PER2: variants seen among roughly 807,000 people sequenced by gnomAD.
PER2 encodes period circadian regulator 2.
In PER2, 66 loss-of-function variants were observed where a neutral mutation model predicts 121.0. That is an observed-to-expected ratio of 0.55 (90% CI 0.45 to 0.67). The LOEUF (loss-of-function observed/expected upper bound fraction) is 0.67, where lower values mean the gene tolerates loss of function less well. Among genes scored for constraint, PER2 ranks in the 30% least tolerant of loss-of-function variants. The probability of loss-of-function intolerance (pLI) is 0.00; values close to 1 mark genes in which losing one functional copy is unlikely to be tolerated. For missense variants in PER2, 1,521 were observed against 1,635.0 expected, an observed-to-expected ratio of 0.93 and a Z score of 1.20; for synonymous variants, 684 against 659.9, an observed-to-expected ratio of 1.04 and a Z score of -0.56.
chr2:238,282,032 C>G (rs1276423095), intron 1 of PER2, among the ~76,000 whole-genome samples: 1 of 152,234 alleles, frequency 6.6e-6, no homozygotes, highest in Non-Finnish European at 1.5e-5. Flanking sequence ...ATGGTTAACA[C>G]AGCATCTAGA....
In PER2 at chr2:238,251,610, G is replaced by T. The variant is rs1200611530; in HGVS notation, c.3263C>A (p.Pro1088Gln). 6.2e-7 allele frequency: 1 copy of T among 1,613,988 alleles called. No individual in the cohort carries two copies. The highest frequency in any genetic ancestry group is 1.3e-5 in the African/African-American group (1 of 74,914). Residue 1088 changes from proline (P) to glutamine (Q), a missense_variant, in exon 20 of 23, where the codon CCG (proline) becomes CAG (glutamine). Transcript: ENST00000254657. ...GSGSLGCDAS[P>Q]SGAGSSDTSH... Reference sequence around the variant, plus strand: ...CAGGGCCAACATACCTGCCCCACTCGGGGAGGCGTCGCAGCCCAGTGAGCC... The same window carrying T: ...CAGGGCCAACATACCTGCCCCACTCTGGGAGGCGTCGCAGCCCAGTGAGCC...
chr2:238,297,493 T>C, the PER2 span, among the ~76,000 whole-genome samples: 1 of 152,174 alleles, frequency 6.6e-6, no homozygotes, highest in South Asian at 2.1e-4. Context: ...AAGAGCACTC[T>C]TGTAACGCTA....
intron 17 of PER2, 134 bp from the exon 18 acceptor site, chr2:238,256,045 C>T (rs1695751083): frequency 3.5e-6 from 4 of 1,142,426 alleles, no homozygotes; most frequent in Non-Finnish European, 5.1e-6. Flanking sequence ...GAGGATGAGA[C>T]TCACAGCGTT....
chr2:238,286,026 G>T (rs1696772262), intron 1 of PER2, among the ~76,000 whole-genome samples: 1 of 152,174 alleles, frequency 6.6e-6, no homozygotes, highest in African/African-American at 2.4e-5. Flanking sequence ...CAAATATGGA[G>T]GGAAGGAGGT....
At chr2:238,283,785 G>T (rs1426601358) in intron 1 of PER2, among the ~76,000 whole-genome samples, 1 of 152,178 alleles carries the variant, frequency 6.6e-6, no homozygotes, top group African/African-American at 2.4e-5. Context: ...GCCGCCCAGG[G>T]TACCAAGGGC....
rs767660110 is a variant in PER2 at position 238,249,184 on chromosome 2, T to C, written c.3496A>G (p.Arg1166Gly). 2 of 1,614,144 alleles carry C rather than the reference T, an allele frequency of 1.2e-6. No individual in the cohort carries two copies. Among genetic ancestry groups the C allele is most frequent in the Non-Finnish European group, 1.7e-6 (2 of 1,179,948 alleles). ...TTCTGTAGGAGCTTCAGCTTCTCTCTGTCCTCCTTCAAAACCGCTTCTAAA... is the reference window on the plus strand; with the variant it reads ...TTCTGTAGGAGCTTCAGCTTCTCTCCGTCCTCCTTCAAAACCGCTTCTAAA... Reference protein sequence around the residue: ...RNLEAVLKEDREKLKLLQKLQ... With the variant: ...RNLEAVLKEDGEKLKLLQKLQ... Residue 1166 changes from arginine (R) to glycine (G), a missense_variant, in exon 22 of 23, where the codon AGA becomes GGA. Coordinates refer to ENST00000254657, the MANE Select transcript of PER2 (RefSeq NM_022817.3).
At chr2:238,262,429 G>T in intron 10 of PER2, 85 bp from the exon 11 acceptor site, 1 of 1,374,768 alleles carries the variant, frequency 7.3e-7, no homozygotes, top group South Asian at 1.2e-5. Flanking sequence ...AGTCACTCAG[G>T]CCCAGGATCA....
In PER2 at chr2:238,280,504, A is replaced by C. The variant is rs142029648; in HGVS notation, c.-19-2549T>G. Among the ~76,000 whole-genome samples, 458 of 152,352 alleles carry C rather than the reference A, an allele frequency of 3.0e-3. 3 individuals are homozygous for C. Among genetic ancestry groups the C allele is most frequent in the African/African-American group, 0.01 (436 of 41,576 alleles). On this transcript the variant is annotated intron_variant, in intron 1 of 22. Coordinates refer to ENST00000254657, the MANE Select transcript of PER2 (RefSeq NM_022817.3). ...TACTTTTCATCCTAAGAATTCAAGA[A>C]ATGATGGATTCAATGAAACAAGTAA...
At chr2:238,290,369 C>G (rs1696929079), upstream of PER2, among the ~76,000 whole-genome samples, 1 of 152,062 alleles carries the variant, frequency 6.6e-6, no homozygotes, top group South Asian at 2.1e-4. Flanking sequence ...CCCAAAGGCT[C>G]TTTTGTTTCT....
intron 1 of PER2, among the ~76,000 whole-genome samples, chr2:238,287,839 G>A (rs1029821836): frequency 2.0e-5 from 3 of 152,166 alleles, no homozygotes; most frequent in Non-Finnish European, 2.9e-5. Context: ...GGGGAAGCAG[G>A]CCACCTCCCA....
At chr2:238,298,335 A>C in the PER2 span, 2 of 152,270 alleles carry the variant, frequency 1.3e-5, no homozygotes, top group African/African-American at 4.8e-5. Context: ...CGCCCGGCCA[A>C]AGCTTTTGTT....
intron 8 of PER2, 148 bp from the exon 9 acceptor site, chr2:238,265,738 T>C: frequency 1.6e-6 from 1 of 639,828 alleles, no homozygotes; most frequent in East Asian, 2.8e-5. Context: ...CAACAGAGAC[T>C]GCCACACTGA....
At chr2:238,259,547 G>A (rs1293108079) in intron 14 of PER2, among the ~76,000 whole-genome samples, 1 of 152,256 alleles carries the variant, frequency 6.6e-6, no homozygotes, top group Non-Finnish European at 1.5e-5. Context: ...GCAAACCGTC[G>A]GCAGTTGTGT....
upstream of PER2, among the ~76,000 whole-genome samples, chr2:238,291,831 CTTGCCTCTAG>C (rs1226217698): frequency 1.3e-5 from 2 of 152,206 alleles, no homozygotes; most frequent in East Asian, 3.9e-4. Context: ...ACAAGGACAA[CTTGCCTCTAG>C]TGACCCGAGG....
chr2:238,279,107 C>G (rs1696550594), intron 1 of PER2, among the ~76,000 whole-genome samples: 1 of 152,104 alleles, frequency 6.6e-6, no homozygotes, highest in African/African-American at 2.4e-5. Context: ...AAAATGCCAT[C>G]CCGGGTCCTC....
chr2:238,266,838 G>C (rs974784462), intron 8 of PER2, among the ~76,000 whole-genome samples: 4 of 149,848 alleles, frequency 2.7e-5, no homozygotes, highest in African/African-American at 1.0e-4. Flanking sequence ...AGGAGTTCGA[G>C]ACCAGCCTGG....
At chr2:238,250,456 G>T in intron 21 of PER2, 95 bp downstream of exon 21, 1 of 862,012 alleles carries the variant, frequency 1.2e-6, no homozygotes, top group Non-Finnish European at 1.9e-6. Flanking sequence ...TCAGAGGGGC[G>T]TCCCGCCCCA....
rs1173297935 is a variant in PER2 at position 238,268,147 on chromosome 2, C to T, written c.876G>A (p.Thr292=). The T allele has an allele frequency of 4.3e-6, 7 of 1,614,054 alleles. No homozygotes were observed. The Admixed American group carries it at 5.0e-5, about 12-fold the overall frequency. Residue 292 remains threonine (T), a synonymous_variant, in exon 8 of 23, where the codon ACG becomes ACA. Transcript: ENST00000254657. The surrounding 1 kb of genome is among the most constrained non-coding windows in gnomAD (Gnocchi z 4.0). ...GGTCCCGCACCTTGACCAGGTAGGG[C>T]GTCATGCGGAAGGGGTGGTAGCGGA... ...NEIRYHPFRM[T]PYLVKVRDQQ...
upstream of PER2, among the ~76,000 whole-genome samples, chr2:238,294,553 C>A (rs1028378900): frequency 3.3e-5 from 5 of 152,220 alleles, no homozygotes; most frequent in African/African-American, 1.2e-4. Context: ...TCACGCTTGG[C>A]GCTTGGCACA....
Sources: allele counts gnomAD v4.1 joint callset (sites outside exome capture counted in the v4.1 genomes callset), GRCh38; gene constraint gnomAD v4.1.1; non-coding constraint Gnocchi (gnomAD v3.1); transcripts MANE v1.5; gene names NCBI Gene and HGNC (gene_info 2026-07-23, HGNC 2026-07-21).